Variants in SLC1A1 observed in about 807,000 individuals in gnomAD.
SLC1A1 encodes excitatory amino acid transporter 3.
In SLC1A1, 43 loss-of-function variants were observed where a neutral mutation model predicts 53.3. The ratio of observed to expected loss-of-function variants is 0.81; its 90% CI spans 0.63 to 1.04. The LOEUF (loss-of-function observed/expected upper bound fraction) is 1.04, where lower values mean the gene tolerates loss of function less well. Ranked by LOEUF, SLC1A1 falls within the 50% of genes least tolerant of loss-of-function variation. SLC1A1 has a pLI of 0.00. For synonymous variants in SLC1A1, 307 were observed against 243.2 expected (o/e 1.26, Z -2.44); for missense variants, 748 against 664.9 (o/e 1.12, Z -1.37).
chr9:4,562,576 A>G (rs1298816902), intron 3 of SLC1A1, among the ~76,000 whole-genome samples: 2 of 152,182 alleles, frequency 1.3e-5, no homozygotes, highest in African/African-American at 2.4e-5. Context: ...TACCCTTAGC[A>G]TAGTTTTTTG....
intron 5 of SLC1A1, among the ~76,000 whole-genome samples, chr9:4,566,368 A>G (rs1309230098): frequency 2.0e-5 from 3 of 152,184 alleles, no homozygotes; most frequent in African/African-American, 7.2e-5. Context: ...CTGTCAAATA[A>G]TGAGTATTTT....
rs886143067 is a variant in SLC1A1 at position 4,543,390 on chromosome 9, G to T, written c.92-1177G>T. 7.9e-5 allele frequency among the ~76,000 whole-genome samples: 12 copies of T among 152,162 alleles called. 1 individual carries two copies. Among genetic ancestry groups the T allele is most frequent in the African/African-American group, 2.9e-4 (12 of 41,434 alleles). On this transcript the variant is annotated intron_variant, in intron 1 of 11. Coordinates refer to ENST00000262352, the MANE Select transcript of SLC1A1 (RefSeq NM_004170.6). ...TATTTTTCTGCCTTAAAATAAGAGT[G>T]TGTATATTGGGAGAAGGAAAGGGTA...
chr9:4,497,758 A>G (rs1437458711), intron 1 of SLC1A1, among the ~76,000 whole-genome samples: 1 of 152,198 alleles, frequency 6.6e-6, no homozygotes, highest in African/African-American at 2.4e-5. Flanking sequence ...CACAGGCACT[A>G]AAAAATAAAA....
chr9:4,536,361 C>T (rs1032130875), intron 1 of SLC1A1, among the ~76,000 whole-genome samples: 1 of 131,984 alleles, frequency 7.6e-6, no homozygotes, highest in African/African-American at 2.7e-5. Context: ...AAAAAAACAG[C>T]CCCATCAAAA....
At position 4,490,602 on chromosome 9, in the gene SLC1A1, G is replaced by A. The variant is rs1477093126; in HGVS notation, c.-78G>A. On this transcript the variant is annotated 5_prime_UTR_variant, in exon 1 of 12. Coordinates refer to ENST00000262352, the MANE Select transcript of SLC1A1 (RefSeq NM_004170.6). ...CTGTGCACCCGCATCTCGCCGCGCC[G>A]CCGAGCAGCCAGCAGTCCCCGGGTC... 8.3e-7 allele frequency: 1 copy of A among 1,208,490 alleles called. No individual in the cohort carries two copies. The highest frequency in any genetic ancestry group is 2.5e-5 in the East Asian group (1 of 40,332). 74.9% of individuals were successfully genotyped at this position (1,208,490 alleles called of 1,614,324 possible).
chr9:4,541,403 C>T (rs540440578), intron 1 of SLC1A1, among the ~76,000 whole-genome samples: 51 of 152,144 alleles, frequency 3.4e-4, no homozygotes, highest in Non-Finnish European at 4.0e-4. Context: ...CAATTTAGTT[C>T]GTTTGTTTTC....
At position 4,582,901 on chromosome 9, in the gene SLC1A1, G is replaced by C; in HGVS notation, c.1194-137G>C. 7 of 1,125,548 alleles carry C rather than the reference G, an allele frequency of 6.2e-6. No individual in the cohort carries two copies. In the South Asian group the frequency reaches 7.5e-5, roughly 12 times the overall value. The allele number at this position is 1,125,548 out of a possible 1,614,324, so 69.7% of individuals were successfully genotyped here. On this transcript the variant is annotated intron_variant, in intron 10 of 11. Coordinates refer to ENST00000262352, the MANE Select transcript of SLC1A1 (RefSeq NM_004170.6). ...ATGAGGCAGAGCTGGGGCTCAGCAA[G>C]TCACAGATTCTAACTACCCAATTTA...
At chr9:4,581,575 T>C (rs1249624902) in intron 10 of SLC1A1, among the ~76,000 whole-genome samples, 1 of 152,226 alleles carries the variant, frequency 6.6e-6, no homozygotes, top group African/African-American at 2.4e-5. Flanking sequence ...AGGGATCAGC[T>C]GGCATGGACA....
rs566504204 is a variant in SLC1A1 at position 4,538,496 on chromosome 9, T to C, written c.92-6071T>C. Among the ~76,000 whole-genome samples the C allele has an allele frequency of 4.6e-3, 694 of 152,316 alleles. 2 individuals are homozygous for C. Among genetic ancestry groups the C allele is most frequent in the Admixed American group, 7.1e-3 (108 of 15,300 alleles). On this transcript the variant is annotated intron_variant, in intron 1 of 11. Coordinates refer to ENST00000262352, the MANE Select transcript of SLC1A1 (RefSeq NM_004170.6). The stretch of plus-strand genomic sequence containing the variant: ...ACTTTTCCCTTTAGCTTAGGGATTT[T>C]GGGGCTCCAAGATTTATTTTCCTTT...
intron 2 of SLC1A1, among the ~76,000 whole-genome samples, chr9:4,547,151 G>A (rs546797154): frequency 6.6e-6 from 1 of 152,168 alleles, no homozygotes; most frequent in Non-Finnish European, 1.5e-5. Context: ...TTTTTTTTCT[G>A]GGAAGTATAG....
chr9:4,522,477 G>C (rs549287518), intron 1 of SLC1A1, among the ~76,000 whole-genome samples: 8 of 152,298 alleles, frequency 5.3e-5, no homozygotes, highest in Admixed American at 3.9e-4. Context: ...ATGTCCGTGT[G>C]AGTCAGTCTT....
chr9:4,493,434 A>G (rs1207538491), intron 1 of SLC1A1, among the ~76,000 whole-genome samples: 1 of 152,210 alleles, frequency 6.6e-6, no homozygotes, highest in African/African-American at 2.4e-5. Flanking sequence ...CTTGCTAGAT[A>G]ATGATAGTAA....
intron 6 of SLC1A1, among the ~76,000 whole-genome samples, chr9:4,568,866 A>C (rs965935345): frequency 6.6e-6 from 1 of 152,184 alleles, no homozygotes; most frequent in Non-Finnish European, 1.5e-5. Context: ...GTATTAATAA[A>C]TTAACAATCT....
At chr9:4,492,788 C>G (rs995641765) in intron 1 of SLC1A1, among the ~76,000 whole-genome samples, 19 of 149,806 alleles carry the variant, frequency 1.3e-4, no homozygotes, top group Non-Finnish European at 2.4e-4. Context: ...AAGAATGAGA[C>G]CTTGTCTAAA....
At chr9:4,539,143 A>G (rs1468783769) in intron 1 of SLC1A1, among the ~76,000 whole-genome samples, 1 of 152,210 alleles carries the variant, frequency 6.6e-6, no homozygotes, top group Non-Finnish European at 1.5e-5. Context: ...TTCTGCAAAT[A>G]CCCCAAAAGA....
intron 1 of SLC1A1, among the ~76,000 whole-genome samples, chr9:4,532,065 T>C (rs920908954): frequency 3.3e-5 from 5 of 151,916 alleles, no homozygotes; most frequent in Non-Finnish European, 5.9e-5. Context: ...TACATCACCA[T>C]CATCAAAGAC....
chr9:4,583,317 C>T lies in SLC1A1; in HGVS notation c.1328+145C>T. 9.8e-7 allele frequency: 1 copy of T among 1,021,852 alleles called. No individual in the cohort carries two copies. Among genetic ancestry groups the T allele is most frequent in the Non-Finnish European group, 1.5e-6 (1 of 657,728 alleles). The allele number at this position is 1,021,852 out of a possible 1,614,324, so 63.3% of individuals were successfully genotyped here. ...TTTAATTTTCCTCTGACCAGGCCAT[C>T]TGATAACATGCCTAAAAATTAACTC... On this transcript the variant is annotated intron_variant, in intron 11 of 11. Coordinates refer to ENST00000262352, the MANE Select transcript of SLC1A1 (RefSeq NM_004170.6). The surrounding 1 kb of genome is among the most constrained non-coding windows in gnomAD (Gnocchi z 4.6).
At chr9:4,542,618 A>G (rs1227104864) in intron 1 of SLC1A1, among the ~76,000 whole-genome samples, 2 of 152,198 alleles carry the variant, frequency 1.3e-5, no homozygotes, top group African/African-American at 4.8e-5. Context: ...ACTTGAAGCA[A>G]CCTGAATAGT....
intron 1 of SLC1A1, among the ~76,000 whole-genome samples, chr9:4,503,490 C>A (rs1381872972): frequency 6.6e-6 from 1 of 151,756 alleles, no homozygotes; most frequent in Non-Finnish European, 1.5e-5. Flanking sequence ...AAGGAGGCTG[C>A]AGCATGCTGT....
Sources: gnomAD v4.1 joint callset for allele counts (sites outside exome capture counted in the v4.1 genomes callset) on GRCh38, gnomAD v4.1.1 for gene constraint, Gnocchi (gnomAD v3.1) non-coding constraint, MANE v1.5 for transcripts, NCBI Gene and HGNC (gene_info 2026-07-23, HGNC 2026-07-21) for gene names.